GRAMD1B: variants seen among roughly 807,000 people sequenced by gnomAD.
The protein encoded by GRAMD1B is GRAM domain containing 1B.
Under a neutral mutation model 99.7 loss-of-function variants are expected in GRAMD1B, and 37 were observed. That is an observed-to-expected ratio of 0.37 (90% CI 0.29 to 0.49). The LOEUF (loss-of-function observed/expected upper bound fraction) is 0.49. Among genes scored for constraint, GRAMD1B ranks in the 20% least tolerant of loss-of-function variants. The probability of loss-of-function intolerance (pLI) is 0.98; values close to 1 mark genes in which losing one functional copy is unlikely to be tolerated. For synonymous variants in GRAMD1B, 427 were observed against 387.6 expected (o/e 1.10, Z -1.19); for missense variants, 888 against 1,009.2 (o/e 0.88, Z 1.63).
At chr11:123,551,605 T>C (rs1398101039) in intron 2 of GRAMD1B, among the ~76,000 whole-genome samples, 5 of 152,198 alleles carry the variant, frequency 3.3e-5, no homozygotes, top group African/African-American at 1.2e-4. Context: ...CTTTGTTGTA[T>C]ATGTGATTAT....
At chr11:123,590,836 C>T (rs1950569396) in intron 4 of GRAMD1B, among the ~76,000 whole-genome samples, 1 of 152,194 alleles carries the variant, frequency 6.6e-6, no homozygotes, top group Admixed American at 6.5e-5. Flanking sequence ...GACTGGGGAG[C>T]TGGGCATTCG....
intron 1 of GRAMD1B, among the ~76,000 whole-genome samples, chr11:123,391,084 A>G (rs1947261293): frequency 6.6e-6 from 1 of 152,190 alleles, no homozygotes; most frequent in Non-Finnish European, 1.5e-5. Flanking sequence ...TTCTTGCTGG[A>G]CATCACATTT....
intron 2 of GRAMD1B, among the ~76,000 whole-genome samples, chr11:123,506,006 TCAGCACC>T (rs938263056): frequency 6.6e-6 from 1 of 152,190 alleles, no homozygotes; most frequent in Admixed American, 6.5e-5. Flanking sequence ...CAGTTTACAA[TCAGCACC>T]CAGACTCTGG....
intron 1 of GRAMD1B, among the ~76,000 whole-genome samples, chr11:123,360,384 C>G (rs1029262865): frequency 6.6e-6 from 1 of 152,132 alleles, no homozygotes; most frequent in East Asian, 1.9e-4. Context: ...AGTGTTTGCC[C>G]GAAGGCTCTT....
chr11:123,471,299 A>G (rs1951005519), intron 1 of GRAMD1B, among the ~76,000 whole-genome samples: 1 of 152,232 alleles, frequency 6.6e-6, no homozygotes, highest in South Asian at 2.1e-4. Flanking sequence ...AAGAAGCAGG[A>G]ACCCAATAGA....
chr11:123,457,052 C>T (rs1240933608), intron 1 of GRAMD1B, among the ~76,000 whole-genome samples: 1 of 145,326 alleles, frequency 6.9e-6, no homozygotes, highest in East Asian at 2.0e-4. Flanking sequence ...GTCAAGGCTG[C>T]AGTGAGCTGT....
chr11:123,595,129 G>A (rs1266538156), intron 6 of GRAMD1B, among the ~76,000 whole-genome samples: 6 of 152,162 alleles, frequency 3.9e-5, no homozygotes, highest in African/African-American at 1.4e-4. Context: ...AGGAGGCATA[G>A]TCAAGTAGAA....
chr11:123,504,960 G>C (rs1333293335), intron 2 of GRAMD1B, among the ~76,000 whole-genome samples: 1 of 152,062 alleles, frequency 6.6e-6, no homozygotes, highest in Non-Finnish European at 1.5e-5. Context: ...AGAATTACAG[G>C]CTTGAGCCAC....
chr11:123,563,800 A>G lies in GRAMD1B; in HGVS notation c.453-13567A>G, dbSNP rs911949437. ...AACTTCCTGATGATAGCAGGAGACA[A>G]TGAGAAGGGTGGCAAGGGAAAGCCC... is the stretch of plus-strand genomic sequence containing the variant. On this transcript the variant is annotated intron_variant, in intron 2 of 19. Transcript: ENST00000635736. Among the ~76,000 whole-genome samples the G allele has an allele frequency of 5.3e-5, 8 of 152,288 alleles. No homozygotes were observed. In the East Asian group the frequency reaches 1.5e-3, roughly 29 times the overall value.
intron 2 of GRAMD1B, among the ~76,000 whole-genome samples, chr11:123,481,888 T>C (rs1591662427): frequency 6.6e-6 from 1 of 152,296 alleles, no homozygotes; most frequent in African/African-American, 2.4e-5. Context: ...GGTCTAGCTC[T>C]GTTTATCGTT....
chr11:123,618,607 G>T, intron 17 of GRAMD1B, 86 bp from the exon 18 acceptor site: 1 of 857,438 alleles, frequency 1.2e-6, no homozygotes, highest in South Asian at 1.3e-5. Context: ...CCACCGGTCA[G>T]GGACAGCAGC....
At chr11:123,601,515 ATGTGTGTGTGTGTGTG>A (rs4063751) in intron 8 of GRAMD1B, among the ~76,000 whole-genome samples, 2 of 148,806 alleles carry the variant, frequency 1.3e-5, no homozygotes, top group South Asian at 2.2e-4. Context: ...ATTAATTTTT[ATGTGTGTGTGTGTGTG>A]TGTGTGTGTG....
intron 1 of GRAMD1B, among the ~76,000 whole-genome samples, chr11:123,466,392 GAAA>G (rs1198851549): frequency 7.1e-6 from 1 of 139,892 alleles, no homozygotes; most frequent in Non-Finnish European, 1.6e-5. Context: ...GAGAAAGAAA[GAAA>G]AAGAAAGAAA....
intron 1 of GRAMD1B, among the ~76,000 whole-genome samples, chr11:123,452,921 T>A (rs942149777): frequency 6.6e-6 from 1 of 152,208 alleles, no homozygotes; most frequent in African/African-American, 2.4e-5. Flanking sequence ...GAAAGTTCGG[T>A]CTTGTGTTTC....
At chr11:123,483,121 C>T (rs759109436) in intron 2 of GRAMD1B, among the ~76,000 whole-genome samples, 5 of 151,756 alleles carry the variant, frequency 3.3e-5, no homozygotes, top group Non-Finnish European at 7.4e-5. Flanking sequence ...AGAAATAGAA[C>T]TGGAGGGTTA....
intron 1 of GRAMD1B, among the ~76,000 whole-genome samples, chr11:123,370,333 A>ATC (rs1224398764): frequency 8.0e-6 from 1 of 124,602 alleles, no homozygotes; most frequent in East Asian, 2.2e-4. Context: ...AAAAGAAGTT[A>ATC]TCTCTTTTTT....
chr11:123,372,332 T>C (rs1293494189), intron 1 of GRAMD1B, among the ~76,000 whole-genome samples: 4 of 152,224 alleles, frequency 2.6e-5, no homozygotes, highest in Non-Finnish European at 5.9e-5. Flanking sequence ...TTCCTGGCCA[T>C]TTAGGAACCT....
chr11:123,484,445 C>T (rs552775289), intron 2 of GRAMD1B, among the ~76,000 whole-genome samples: 1 of 152,248 alleles, frequency 6.6e-6, no homozygotes, highest in Admixed American at 6.5e-5. Context: ...CTCCTCCAAC[C>T]ACAGGAAATG....
At chr11:123,372,478 C>T (rs1159646805) in intron 1 of GRAMD1B, among the ~76,000 whole-genome samples, 1 of 152,184 alleles carries the variant, frequency 6.6e-6, no homozygotes, top group Non-Finnish European at 1.5e-5. Context: ...GAATTTAATG[C>T]TCTGCAGCTC....
Sources: gnomAD v4.1 joint callset for allele counts (sites outside exome capture counted in the v4.1 genomes callset) on GRCh38, gnomAD v4.1.1 for gene constraint, MANE v1.5 for transcripts, NCBI Gene and HGNC (gene_info 2026-07-23, HGNC 2026-07-21) for gene names.